WDR31: variants seen among roughly 807,000 people sequenced by gnomAD.
WDR31 encodes WD repeat-containing protein 31.
Under a neutral mutation model 47.3 loss-of-function variants are expected in WDR31, and 30 were observed. The ratio of observed to expected loss-of-function variants is 0.63; its 90% CI spans 0.47 to 0.86. The LOEUF (loss-of-function observed/expected upper bound fraction) is 0.86. WDR31 is among the 40% of genes least tolerant of loss of function. The probability of loss-of-function intolerance (pLI) is 0.00; values close to 1 mark genes in which losing one functional copy is unlikely to be tolerated. For missense variants in WDR31, 406 were observed against 442.9 expected (o/e 0.92, Z 0.75); for synonymous variants, 137 against 159.4 (o/e 0.86, Z 1.06).
chr9:113,323,732 T>C (rs1250490224), intron 5 of WDR31, among the ~76,000 whole-genome samples: 2 of 152,254 alleles, frequency 1.3e-5, no homozygotes, highest in Non-Finnish European at 2.9e-5. Context: ...TCAGATCATG[T>C]CACCTTGGTG....
intron 2 of WDR31, among the ~76,000 whole-genome samples, chr9:113,336,023 G>A (rs1041500549): frequency 1.3e-5 from 2 of 152,202 alleles, no homozygotes; most frequent in African/African-American, 4.8e-5. Flanking sequence ...CAAAATTCAG[G>A]ATAGTTTTCA....
intron 4 of WDR31, among the ~76,000 whole-genome samples, chr9:113,330,211 G>C (rs1833566993): frequency 6.6e-6 from 1 of 151,808 alleles, no homozygotes; most frequent in African/African-American, 2.4e-5. Flanking sequence ...AGCAATTCTT[G>C]AGCCTCAGCC....
intron 7 of WDR31, 36 bp from the exon 8 acceptor site, chr9:113,321,614 C>T (rs771129629): frequency 1.3e-6 from 2 of 1,583,842 alleles, no homozygotes; most frequent in Non-Finnish European, 1.7e-6. Context: ...TTCTCCACAC[C>T]AAGTCATTCC....
Position 113,322,807 on chromosome 9 carries a change from A to G in WDR31, c.570+4T>C. ...CCTGTTCTGTACCAAGTTTGAGTTC[A>G]TACCACGTTCCTGGAGACAGATGCT... is the stretch of plus-strand genomic sequence containing the variant. On this transcript the variant is annotated splice_donor_region_variant and intron_variant, in intron 7 of 10. Coordinates refer to ENST00000374193, the MANE Select transcript of WDR31 (RefSeq NM_001012361.4). 1.9e-6 allele frequency: 3 copies of G among 1,614,026 alleles called. No individual in the cohort carries two copies. The highest frequency in any genetic ancestry group is 2.5e-6 in the Non-Finnish European group (3 of 1,179,964).
At chr9:113,319,787 T>C (rs1833285034) in intron 9 of WDR31, among the ~76,000 whole-genome samples, 1 of 152,120 alleles carries the variant, frequency 6.6e-6, no homozygotes. Context: ...ATAATGGGAA[T>C]AAATCTGGTT....
intron 5 of WDR31, among the ~76,000 whole-genome samples, chr9:113,323,991 G>A (rs1833392420): frequency 6.6e-6 from 1 of 151,994 alleles, no homozygotes; most frequent in Non-Finnish European, 1.5e-5. Flanking sequence ...TATCTTTGCT[G>A]ACCTACTCTT....
chr9:113,329,579 G>A (rs554222711), intron 4 of WDR31, among the ~76,000 whole-genome samples: 1 of 152,096 alleles, frequency 6.6e-6, no homozygotes, highest in South Asian at 2.1e-4. Flanking sequence ...GGTGGAGATT[G>A]CAGTGAGCCA....
intron 10 of WDR31, 133 bp downstream of exon 10, chr9:113,318,342 C>T (rs931757984): frequency 2.0e-6 from 2 of 1,008,958 alleles, no homozygotes; most frequent in Non-Finnish European, 3.0e-6. Context: ...TTGACATCAC[C>T]TCTTAAGCAT....
At chr9:113,331,174 TGGGGTGGGGTA>T in intron 3 of WDR31, 58 bp from the exon 4 acceptor site, 3 of 66,228 alleles carry the variant, frequency 4.5e-5, no homozygotes, top group Non-Finnish European at 1.0e-4. Context: ...GGGGGTGGGG[TGGGGTGGGGTA>T]GGGAGAAGAA....
intron 8 of WDR31, among the ~76,000 whole-genome samples, chr9:113,320,842 T>A (rs1833312061): frequency 6.6e-6 from 1 of 152,236 alleles, no homozygotes; most frequent in South Asian, 2.1e-4. Context: ...TGACTTAAAT[T>A]TTTAAAAAGA....
rs553561735 is a variant in WDR31, at chr9:113,331,038, G to A, written c.195C>T (p.Val65=). 13 of 1,612,520 alleles carry A rather than the reference G, an allele frequency of 8.1e-6. No individual in the cohort carries two copies. In the East Asian group the frequency reaches 2.7e-4, roughly 33 times the overall value. Residue 65 remains valine, a synonymous_variant, in exon 4 of 11, where the codon GTC becomes GTT. Transcript: ENST00000374193. ...QEYSPAHMDT[V]SVVAALNSDL... Reference sequence around the variant, plus strand: ...CTGAGTTCAAAGCAGCCACGACAGAGACGGTATCCATGTGAGCTGGGCTAT... The same window carrying A: ...CTGAGTTCAAAGCAGCCACGACAGAAACGGTATCCATGTGAGCTGGGCTAT...
intron 5 of WDR31, among the ~76,000 whole-genome samples, chr9:113,325,978 C>T (rs1248117101): frequency 3.9e-5 from 6 of 151,978 alleles, no homozygotes; most frequent in Non-Finnish European, 5.9e-5. Context: ...ATGGTGTGAT[C>T]TCAGCTCACC....
intron 7 of WDR31, among the ~76,000 whole-genome samples, chr9:113,322,175 TATCTGA>T (rs1170347363): frequency 6.6e-6 from 1 of 151,718 alleles, no homozygotes; most frequent in Admixed American, 6.6e-5. Context: ...TCACATCTAG[TATCTGA>T]ATTCATCCTC....
chr9:113,328,843 GT>G, intron 5 of WDR31, 37 bp downstream of exon 5: 1 of 1,511,808 alleles, frequency 6.6e-7, no homozygotes, highest in East Asian at 2.3e-5. Flanking sequence ...CCTTTATTCA[GT>G]TCCAGATTGC....
intron 4 of WDR31, among the ~76,000 whole-genome samples, chr9:113,329,662 G>C (rs1210417584): frequency 6.6e-6 from 1 of 151,114 alleles, no homozygotes; most frequent in African/African-American, 2.4e-5. Flanking sequence ...CCTGATTTCA[G>C]AAGTGTTAAA....
intron 10 of WDR31, 59 bp from the exon 11 acceptor site, chr9:113,316,968 T>C (rs1833220271): frequency 6.4e-7 from 1 of 1,565,356 alleles, no homozygotes; most frequent in Non-Finnish European, 8.7e-7. Flanking sequence ...TGAAATGTGA[T>C]GTCTTCATGA....
Position 113,322,811 on chromosome 9 carries a change from C to T in WDR31, c.570G>A (p.Val190=). Residue 190 remains valine (V), a splice_region_variant and synonymous_variant, in exon 7 of 11, where the codon GTG becomes GTA. Transcript: ENST00000374193. ...TTCTGTACCAAGTTTGAGTTCATAC[C>T]ACGTTCCTGGAGACAGATGCTCTTT... The part of the protein sequence containing the change: ...SVERASVSRN[V]VTHLCWVPRE... 2 of 1,613,982 alleles carry T rather than the reference C, an allele frequency of 1.2e-6. No individual in the cohort carries two copies. The highest frequency in any genetic ancestry group is 8.5e-7 in the Non-Finnish European group (1 of 1,179,948).
chr9:113,315,623 G>A lies in WDR31; in HGVS notation c.*1126C>T, dbSNP rs1564290689. The A allele has an allele frequency of 6.6e-6, 1 of 152,160 alleles. No homozygotes were observed. The highest frequency in any genetic ancestry group is 1.5e-5 in the Non-Finnish European group (1 of 68,108). 9.4% of individuals were successfully genotyped at this position (152,160 alleles called of 1,614,324 possible). On this transcript the variant is annotated 3_prime_UTR_variant, in exon 11 of 11. Transcript: ENST00000374193. The stretch of plus-strand genomic sequence containing the variant: ...TCACTGAAGGGGGCTTAATGTCTGG[G>A]GCACAGTTGACTCCATCCCTCTCTT...
chr9:113,325,495 T>G (rs1833441668), intron 5 of WDR31, among the ~76,000 whole-genome samples: 1 of 152,024 alleles, frequency 6.6e-6, no homozygotes, highest in South Asian at 2.1e-4. Flanking sequence ...ATATTTTTAA[T>G]TTAAATAATA....
Sources: allele counts gnomAD v4.1 joint callset (sites outside exome capture counted in the v4.1 genomes callset), GRCh38; gene constraint gnomAD v4.1.1; transcripts MANE v1.5; gene names NCBI Gene and HGNC (gene_info 2026-07-23, HGNC 2026-07-21).